Variants in ZNF208 observed in about 807,000 individuals in gnomAD.
The protein encoded by ZNF208 is zinc finger protein 95.
A neutral mutation model predicts 12.1 loss-of-function variants in ZNF208; 10 were observed. The observed-to-expected ratio is 0.83, with a 90% CI of 0.51 to 1.40. The LOEUF is 1.40. Among genes scored for constraint, ZNF208 ranks in the 40% most tolerant of loss-of-function variants. The probability of loss-of-function intolerance (pLI) is 0.00; values close to 1 mark genes in which losing one functional copy is unlikely to be tolerated. For missense variants in ZNF208, 1,652 were observed against 1,485.0 expected (o/e 1.11, Z -1.85); for synonymous variants, 497 against 488.4 (o/e 1.02, Z -0.23).
chr19:22,010,439 C>G (rs1329602582), intron 1 of ZNF208, among the ~76,000 whole-genome samples: 3 of 152,124 alleles, frequency 2.0e-5, no homozygotes, highest in Non-Finnish European at 4.4e-5. Context: ...CCTCACGGAC[C>G]AAAGCTCTTC....
chr19:21,947,830 C>T (rs906532469), intron 4 of ZNF208, among the ~76,000 whole-genome samples: 1 of 152,158 alleles, frequency 6.6e-6, no homozygotes. Context: ...AAGTATCTTG[C>T]CTAAATCCAA....
intron 3 of ZNF208, among the ~76,000 whole-genome samples, chr19:21,977,647 T>A (rs1970458791): frequency 6.6e-6 from 1 of 152,052 alleles, no homozygotes; most frequent in South Asian, 2.1e-4. Flanking sequence ...CAAAACTGGG[T>A]GGCCATTTGA....
intron 1 of ZNF208, among the ~76,000 whole-genome samples, chr19:22,003,713 A>C (rs1411966998): frequency 6.6e-6 from 1 of 152,144 alleles, no homozygotes; most frequent in Non-Finnish European, 1.5e-5. Flanking sequence ...ACTAAAAACA[A>C]ATTACCATTT....
At chr19:21,993,115 T>G (rs188770820) in intron 1 of ZNF208, among the ~76,000 whole-genome samples, 117 of 152,268 alleles carry the variant, frequency 7.7e-4, no homozygotes, top group African/African-American at 2.2e-3. Flanking sequence ...ACTCCATCCA[T>G]TTCTGTCCTT....
chr19:22,008,482 G>C (rs550683243), intron 1 of ZNF208, among the ~76,000 whole-genome samples: 2 of 151,664 alleles, frequency 1.3e-5, no homozygotes, highest in Non-Finnish European at 2.9e-5. Context: ...AGGAGACTCT[G>C]AACTATGCCC....
At chr19:21,964,232 C>G (rs976871651), downstream of ZNF208, among the ~76,000 whole-genome samples, 1 of 151,724 alleles carries the variant, frequency 6.6e-6, no homozygotes, top group Non-Finnish European at 1.5e-5. Context: ...AGGAAACATA[C>G]ACATATATAC....
chr19:21,941,492 C>T (rs1969740061), intron 4 of ZNF208: 2 of 397,874 alleles, frequency 5.0e-6, no homozygotes, highest in Admixed American at 8.8e-5. Flanking sequence ...CTGTTTATTC[C>T]TAAATGAATA....
At chr19:21,994,859 C>G (rs1970801694) in intron 1 of ZNF208, among the ~76,000 whole-genome samples, 1 of 151,952 alleles carries the variant, frequency 6.6e-6, no homozygotes, top group African/African-American at 2.4e-5. Flanking sequence ...TTGTACCCAC[C>G]ATATGATCCA....
chr19:22,002,724 A>T lies in ZNF208; in HGVS notation c.3+8068T>A, dbSNP rs547915980. Among the ~76,000 whole-genome samples, 3 of 152,372 alleles carry T rather than the reference A, an allele frequency of 2.0e-5. No homozygotes were observed. The East Asian group carries it at 5.8e-4, about 29-fold the overall frequency. On this transcript the variant is annotated intron_variant, in intron 1 of 3. Transcript: ENST00000397126. Reference sequence around the variant, plus strand: ...ACACAAACAAATGGAAAGCAACTTTATGCTCATGAATAAAAAAGATCACTA... The same window carrying T: ...ACACAAACAAATGGAAAGCAACTTTTTGCTCATGAATAAAAAAGATCACTA...
At chr19:21,963,512 T>C (rs1159553610), downstream of ZNF208, among the ~76,000 whole-genome samples, 3 of 152,002 alleles carry the variant, frequency 2.0e-5, no homozygotes, top group Non-Finnish European at 4.4e-5. Context: ...ACAGGGGAAA[T>C]TGATATCTTT....
At chr19:21,954,277 G>GTGTGA (rs1969936564) in intron 4 of ZNF208, among the ~76,000 whole-genome samples, 1 of 152,202 alleles carries the variant, frequency 6.6e-6, no homozygotes, top group Non-Finnish European at 1.5e-5. Context: ...TTTGGAAGAA[G>GTGTGA]TGTGATGTGG....
intron 4 of ZNF208, among the ~76,000 whole-genome samples, chr19:21,948,057 G>A (rs1184362056): frequency 2.0e-5 from 3 of 152,166 alleles, no homozygotes; most frequent in African/African-American, 7.2e-5. Flanking sequence ...GGAAGGTCGA[G>A]AAGTGGTATG....
At chr19:22,003,359 C>T (rs1260769830) in intron 1 of ZNF208, among the ~76,000 whole-genome samples, 4 of 151,964 alleles carry the variant, frequency 2.6e-5, no homozygotes, top group Non-Finnish European at 4.4e-5. Flanking sequence ...AACTTTTTCA[C>T]AGCAAAGGAA....
intron 4 of ZNF208, chr19:21,940,850 C>T (rs896935517): frequency 6.5e-6 from 1 of 153,928 alleles, no homozygotes; most frequent in African/African-American, 2.4e-5. Flanking sequence ...GAAACTGGCC[C>T]CGCAGGTCGA....
chr19:21,988,094 G>A (rs1271923801), intron 2 of ZNF208, among the ~76,000 whole-genome samples: 1 of 151,936 alleles, frequency 6.6e-6, no homozygotes, highest in Non-Finnish European at 1.5e-5. Flanking sequence ...TAGTAATACT[G>A]AATTAAAAAT....
In ZNF208 at chr19:21,972,085, A is replaced by G; in HGVS notation, c.2949T>C (p.Ser983=). 6.2e-7 allele frequency: 1 copy of G among 1,613,008 alleles called. No homozygotes were observed. The highest frequency in any genetic ancestry group is 8.5e-7 in the Non-Finnish European group (1 of 1,179,664). Residue 983 remains serine (S), a synonymous_variant, in exon 4 of 4, where the codon AGT becomes AGC. Transcript: ENST00000397126. Reference sequence around the variant, plus strand: ...TATGTTTAGTAAGGATTGAGAATGTACTAAAGCCTTTGCCACATTCTTCAT... The same window carrying G: ...TATGTTTAGTAAGGATTGAGAATGTGCTAAAGCCTTTGCCACATTCTTCAT... ...YKYEECGKGF[S]TFSILTKHKV...
rs1018912 is a variant in ZNF208, at chr19:21,973,783, G to T, written c.1251C>A (p.Val417=). The T allele has an allele frequency of 0.73, 1,176,327 of 1,610,670 alleles. 432,824 individuals carry two copies. Among genetic ancestry groups the T allele is most frequent in the African/African-American group, 0.93 (69,328 of 74,866 alleles). ...SMFSILTKHE[V]IHTGEKPYKC... is the part of the protein sequence containing the mutation. ...TGTAGGGTTTCTCTCCAGTATGAAT[G>T]ACCTCATGTTTAGTAAGGATTGAGA... Residue 417 remains valine, a synonymous_variant, in exon 4 of 4, where the codon GTC becomes GTA. Coordinates refer to ENST00000397126, the MANE Select transcript of ZNF208 (RefSeq NM_007153.3).
rs183100568 is a variant in ZNF208, at chr19:21,982,275, G to A, written c.226+4941C>T. The stretch of plus-strand genomic sequence containing the variant: ...CGGGAGGCTGAGGCAGGAGAATGGC[G>A]TGAACCTGGGAGGTGGAGCTTGCAG... On this transcript the variant is annotated intron_variant, in intron 3 of 3. Coordinates refer to ENST00000397126, the MANE Select transcript of ZNF208 (RefSeq NM_007153.3). 7.3e-3 allele frequency among the ~76,000 whole-genome samples: 1,099 copies of A among 150,314 alleles called. 5 individuals are homozygous for A. Among genetic ancestry groups the A allele is most frequent in the Non-Finnish European group, 0.013 (869 of 67,672 alleles).
intron 3 of ZNF208, among the ~76,000 whole-genome samples, chr19:21,985,008 C>G (rs1970610136): frequency 6.6e-6 from 1 of 152,184 alleles, no homozygotes; most frequent in Non-Finnish European, 1.5e-5. Context: ...ATGCAAATTT[C>G]TGTCACCAAA....
Sources: gnomAD v4.1 joint callset for allele counts (sites outside exome capture counted in the v4.1 genomes callset) on GRCh38, gnomAD v4.1.1 for gene constraint, MANE v1.5 for transcripts, NCBI Gene and HGNC (gene_info 2026-07-23, HGNC 2026-07-21) for gene names.